The following PHACTR1 variants were observed in gnomAD, a reference collection of about 807,000 sequenced individuals.
PHACTR1 encodes RPEL repeat containing 1.
In PHACTR1, 16 loss-of-function variants were observed where a neutral mutation model predicts 69.2. The observed-to-expected ratio is 0.23, with a 90% confidence interval of 0.16 to 0.35. PHACTR1 has a LOEUF of 0.35. Among genes scored for constraint, PHACTR1 ranks in the 10% least tolerant of loss-of-function variants. The pLI, the probability that PHACTR1 is intolerant of heterozygous loss-of-function variation, is 1.00. For missense variants in PHACTR1, 510 were observed against 734.7 expected (o/e 0.69, Z 3.54); for synonymous variants, 312 against 284.5 (o/e 1.10, Z -0.97).
intron 5 of PHACTR1, among the ~76,000 whole-genome samples, chr6:13,057,264 A>T (rs73368128): frequency 0.075 from 11,450 of 152,136 alleles, 1,295 homozygotes; most frequent in African/African-American, 0.24. Flanking sequence ...CAAAATATAT[A>T]CAACTATTGT....
rs138278351 is a variant in PHACTR1, at chr6:12,896,515, C to T, written c.250+146725C>T. On this transcript the variant is annotated intron_variant, in intron 4 of 14. Transcript: ENST00000332995. Reference sequence around the variant, plus strand: ...CATGCCCGGATCACGGAGGCCCACCCCAACCCTAAGGTACAATTAAGTGCT... The same window carrying T: ...CATGCCCGGATCACGGAGGCCCACCTCAACCCTAAGGTACAATTAAGTGCT... 4.3e-4 allele frequency among the ~76,000 whole-genome samples: 65 copies of T among 152,254 alleles called. No individual in the cohort carries two copies. The East Asian group carries it at 0.012, about 29-fold the overall frequency.
At chr6:13,238,568 G>A (rs913342695) in intron 10 of PHACTR1, among the ~76,000 whole-genome samples, 4 of 152,252 alleles carry the variant, frequency 2.6e-5, no homozygotes, top group African/African-American at 7.2e-5. Flanking sequence ...ATCATGGTAC[G>A]GTGTTCAAGA....
In PHACTR1 at chr6:13,283,610, G is replaced by C; in HGVS notation, c.1650+48G>C. The C allele has an allele frequency of 6.2e-7, 1 of 1,612,912 alleles. No individual in the cohort carries two copies. The highest frequency in any genetic ancestry group is 8.5e-7 in the Non-Finnish European group (1 of 1,179,770). ...GAGTGGGAGGCAGGACCGTCTGCTGGGTCTCGCTGGGCTCACCGCTGGGGA... is the reference window on the plus strand; with the variant it reads ...GAGTGGGAGGCAGGACCGTCTGCTGCGTCTCGCTGGGCTCACCGCTGGGGA... On this transcript the variant is annotated intron_variant, in intron 13 of 14. Transcript: ENST00000332995. The surrounding 1 kb of genome is among the most constrained non-coding windows in gnomAD (Gnocchi z 4.7).
At chr6:12,933,840 C>T (rs1789146226) in intron 4 of PHACTR1, 1 of 1,612,578 alleles carries the variant, frequency 6.2e-7, no homozygotes, top group African/African-American at 1.3e-5. Context: ...GTTCAAGGAG[C>T]TAAGAGAAGG....
chr6:12,815,903 G>T (rs1393417229), intron 4 of PHACTR1, among the ~76,000 whole-genome samples: 1 of 152,198 alleles, frequency 6.6e-6, no homozygotes, highest in Non-Finnish European at 1.5e-5. Flanking sequence ...AAGGCAGGTT[G>T]CTGTGGGTTT....
At chr6:12,818,716 A>G (rs2127707829) in intron 4 of PHACTR1, among the ~76,000 whole-genome samples, 1 of 152,358 alleles carries the variant, frequency 6.6e-6, no homozygotes, top group Non-Finnish European at 1.5e-5. Context: ...TTTAGGAAAA[A>G]GTACATCACT....
intron 4 of PHACTR1, among the ~76,000 whole-genome samples, chr6:12,850,326 C>A (rs527430293): frequency 1.3e-5 from 2 of 152,266 alleles, no homozygotes; most frequent in Non-Finnish European, 2.9e-5. Context: ...TCGATGCCTG[C>A]ACTCTTGCCC....
At chr6:13,019,999 C>A (rs1490307551) in intron 4 of PHACTR1, among the ~76,000 whole-genome samples, 1 of 152,116 alleles carries the variant, frequency 6.6e-6, no homozygotes, top group Non-Finnish European at 1.5e-5. Flanking sequence ...GGACAGGCTA[C>A]CTGTGCCAGG....
intron 4 of PHACTR1, chr6:12,934,009 A>G (rs2127532532): frequency 3.4e-6 from 5 of 1,481,408 alleles, no homozygotes; most frequent in South Asian, 2.8e-5. Flanking sequence ...AACAATATCA[A>G]TTTGCTCTCT....
chr6:13,154,580 T>C (rs1583614682), intron 5 of PHACTR1, among the ~76,000 whole-genome samples: 1 of 152,226 alleles, frequency 6.6e-6, no homozygotes, highest in Non-Finnish European at 1.5e-5. Flanking sequence ...TCTGCTCTCA[T>C]GCTTTTCCAG....
At chr6:13,021,505 G>A (rs930670828) in intron 4 of PHACTR1, among the ~76,000 whole-genome samples, 1 of 152,204 alleles carries the variant, frequency 6.6e-6, no homozygotes, top group South Asian at 2.1e-4. Context: ...GCTTTAGCAT[G>A]GACACAGGTT....
At chr6:12,885,300 G>A (rs1783531864) in intron 4 of PHACTR1, among the ~76,000 whole-genome samples, 4 of 152,198 alleles carry the variant, frequency 2.6e-5, no homozygotes, top group South Asian at 2.1e-4. Flanking sequence ...GGGGAAGGCT[G>A]TCCTCAAGCA....
At chr6:12,820,535 T>G (rs1776089723) in intron 4 of PHACTR1, among the ~76,000 whole-genome samples, 1 of 152,172 alleles carries the variant, frequency 6.6e-6, no homozygotes, top group Non-Finnish European at 1.5e-5. Flanking sequence ...AGCAAAGAGA[T>G]GCTTTATATA....
intron 5 of PHACTR1, among the ~76,000 whole-genome samples, chr6:13,080,075 T>C (rs971989261): frequency 4.6e-5 from 7 of 152,142 alleles, no homozygotes; most frequent in African/African-American, 1.7e-4. Context: ...TACCCAGTTT[T>C]GTATAAGAAA....
intron 4 of PHACTR1, among the ~76,000 whole-genome samples, chr6:12,751,766 A>G (rs1766647107): frequency 6.6e-6 from 1 of 152,194 alleles, no homozygotes; most frequent in African/African-American, 2.4e-5. Flanking sequence ...AGTCCCTTCT[A>G]TATGTCCCTT....
At chr6:12,739,953 A>G (rs1275574941) in intron 3 of PHACTR1, among the ~76,000 whole-genome samples, 1 of 152,218 alleles carries the variant, frequency 6.6e-6, no homozygotes, top group Non-Finnish European at 1.5e-5. Flanking sequence ...ACCACGACCC[A>G]AATCAACATA....
chr6:13,088,619 T>C (rs1272879221), intron 5 of PHACTR1, among the ~76,000 whole-genome samples: 1 of 152,214 alleles, frequency 6.6e-6, no homozygotes, highest in Non-Finnish European at 1.5e-5. Context: ...CAACAGCTGC[T>C]CTCCAGAGCC....
intron 4 of PHACTR1, among the ~76,000 whole-genome samples, chr6:12,829,934 G>A (rs1777231389): frequency 7.4e-6 from 1 of 135,548 alleles, no homozygotes; most frequent in South Asian, 2.5e-4. Flanking sequence ...CTCCAGTCTG[G>A]GAAACAGAGC....
chr6:12,887,647 C>T (rs1416239193), intron 4 of PHACTR1, among the ~76,000 whole-genome samples: 2 of 152,126 alleles, frequency 1.3e-5, no homozygotes, highest in African/African-American at 4.8e-5. Flanking sequence ...ATAGAGTCCA[C>T]TATGTGCCAG....
Sources: allele counts gnomAD v4.1 joint callset (sites outside exome capture counted in the v4.1 genomes callset), GRCh38; gene constraint gnomAD v4.1.1; non-coding constraint Gnocchi (gnomAD v3.1); transcripts MANE v1.5; gene names NCBI Gene and HGNC (gene_info 2026-07-23, HGNC 2026-07-21).